AHRR: variants seen among roughly 807,000 people sequenced by gnomAD.
The protein encoded by AHRR is ahR repressor.
Under a neutral mutation model 44.0 loss-of-function variants are expected in AHRR, and 28 were observed. The observed-to-expected ratio is 0.64, with a 90% confidence interval of 0.47 to 0.87. AHRR has a LOEUF of 0.87. Among genes scored for constraint, AHRR ranks in the 40% least tolerant of loss-of-function variants. The pLI is 0.00. For synonymous variants in AHRR, 434 were observed against 407.0 expected, an observed-to-expected ratio of 1.07 and a Z score of -0.80; for missense variants, 990 against 953.9, an observed-to-expected ratio of 1.04 and a Z score of -0.50.
chr5:376,560 G>GAATGAATGAGA, intron 3 of AHRR, 50 bp from the exon 4 acceptor site: 2 of 194,296 alleles, frequency 1.0e-5, no homozygotes, highest in Non-Finnish European at 1.9e-5. Flanking sequence ...GAAGAAGAGT[G>GAATGAATGAGA]GCCAGGCCAA....
At position 413,322 on chromosome 5, in the gene AHRR, T is replaced by G. The variant is rs766660539; in HGVS notation, c.352-22T>G. 2.1e-5 allele frequency: 33 copies of G among 1,555,396 alleles called. No individual in the cohort carries two copies. In the Admixed American group the frequency reaches 2.3e-4, roughly 11 times the overall value. On this transcript the variant is annotated intron_variant, in intron 4 of 10. Coordinates refer to ENST00000684583, the MANE Select transcript of AHRR (RefSeq NM_001377236.1). ...TGGGTGAGCCAATTCGATTTTTTTT[T>G]TTGTTTTGTTTTTTCTTCTAGTCTC...
chr5:408,382 C>CTT (rs34389831), intron 4 of AHRR, among the ~76,000 whole-genome samples: 23,510 of 145,720 alleles, frequency 0.16, 2,549 homozygotes, highest in African/African-American at 0.31. Context: ...TTTCCTGAGC[C>CTT]TTTTTTTTTT....
intron 3 of AHRR, among the ~76,000 whole-genome samples, chr5:361,040 G>T (rs1405339356): frequency 6.6e-6 from 1 of 152,086 alleles, no homozygotes; most frequent in Non-Finnish European, 1.5e-5. Context: ...CACAAGGTCA[G>T]GAGTTCAAGA....
At position 376,799 on chromosome 5, in the gene AHRR, C is replaced by G. The variant is rs970768795; in HGVS notation, c.351+83C>G. 14 of 1,239,802 alleles carry G rather than the reference C, an allele frequency of 1.1e-5. No individual in the cohort carries two copies. In the African/African-American group the frequency reaches 1.8e-4, roughly 16 times the overall value. The allele number at this position is 1,239,802 out of a possible 1,614,324, so 76.8% of individuals were successfully genotyped here. A position where few individuals can be genotyped will look rare whatever the true frequency, so the allele number is the denominator to read the frequency against. ...GTTCAGGCTCAGTCATACTCCGTGT[C>G]ACGCATGTTCAGGCCCTCACCCAGG... On this transcript the variant is annotated intron_variant, in intron 4 of 10. Coordinates refer to ENST00000684583, the MANE Select transcript of AHRR (RefSeq NM_001377236.1).
chr5:344,674 GT>G, intron 2 of AHRR, among the ~76,000 whole-genome samples: 233 of 4,506 alleles, frequency 0.052, 108 homozygotes, highest in African/African-American at 0.35. Context: ...CTGTGTGTGT[GT>G]GGGTGTGTGT....
chr5:389,444 G>A (rs1339610891), intron 4 of AHRR, among the ~76,000 whole-genome samples: 3 of 152,202 alleles, frequency 2.0e-5, no homozygotes, highest in South Asian at 2.1e-4. Context: ...CACATTCAAC[G>A]CGAGGGAGCC....
chr5:428,569 T>C (rs1736576160), intron 8 of AHRR, among the ~76,000 whole-genome samples: 1 of 152,216 alleles, frequency 6.6e-6, no homozygotes, highest in Non-Finnish European at 1.5e-5. Context: ...TAGGGACCAG[T>C]TTGGTGGAAG....
At position 435,396 on chromosome 5, in the gene AHRR, A is replaced by T; in HGVS notation, c.*562A>T. 1.3e-5 allele frequency: 2 copies of T among 153,952 alleles called. No homozygotes were observed. The highest frequency in any genetic ancestry group is 2.9e-5 in the Non-Finnish European group (2 of 69,242). The allele number at this position is 153,952 out of a possible 1,614,324, so 9.5% of individuals were successfully genotyped here. On this transcript the variant is annotated 3_prime_UTR_variant, in exon 11 of 11. Transcript: ENST00000684583. Reference sequence around the variant, plus strand: ...CCAGCACACGGCAAATTAGAAATACAACACGCGGAGAAAGGGGTCCGTGAG... The same window carrying T: ...CCAGCACACGGCAAATTAGAAATACTACACGCGGAGAAAGGGGTCCGTGAG...
At chr5:400,750 A>G (rs1033760032) in intron 4 of AHRR, among the ~76,000 whole-genome samples, 1 of 152,230 alleles carries the variant, frequency 6.6e-6, no homozygotes, top group African/African-American at 2.4e-5. Context: ...TTAAAAAAAA[A>G]TTCTGCCTTG....
intron 4 of AHRR, among the ~76,000 whole-genome samples, chr5:412,019 C>T (rs1318192236): frequency 2.0e-5 from 3 of 152,180 alleles, no homozygotes; most frequent in African/African-American, 7.2e-5. Context: ...GGTGATGGCC[C>T]CGGGAAGCTG....
At chr5:432,590 CTTCCCCGCCCAGTGG>C in intron 9 of AHRR, 66 bp downstream of exon 9, 1 of 1,567,874 alleles carries the variant, frequency 6.4e-7, no homozygotes, top group African/African-American at 1.3e-5. Flanking sequence ...CCTTGGAGAG[CTTCCCCGCCCAGTGG>C]AGATGTTGGC....
In AHRR at chr5:398,133, G is replaced by A. The variant is rs375533494; in HGVS notation, c.352-15211G>A. ...CTGACCATCCACGTAGCTCCTGACC[G>A]TCCATGTTAGCCCCTGACCATCCAC... On this transcript the variant is annotated intron_variant, in intron 4 of 10. Coordinates refer to ENST00000684583, the MANE Select transcript of AHRR (RefSeq NM_001377236.1). Among the ~76,000 whole-genome samples, 80 of 40,908 alleles carry A rather than the reference G, an allele frequency of 2.0e-3. 1 individual carries two copies. The highest frequency in any genetic ancestry group is 0.016 in the African/African-American group (49 of 3,136). 26.8% of individuals were successfully genotyped at this position (40,908 alleles called of 152,430 possible). A position where few individuals can be genotyped will look rare whatever the true frequency, so the allele number is the denominator to read the frequency against.
chr5:415,730 G>GCCGAATCTCC (rs1560916547), intron 5 of AHRR, among the ~76,000 whole-genome samples: 7 of 152,186 alleles, frequency 4.6e-5, no homozygotes, highest in Non-Finnish European at 8.8e-5. Context: ...AGGCCTAGGG[G>GCCGAATCTCC]CTGTGCAGAG....
rs906825001 is a variant in AHRR, at chr5:411,092, T to G, written c.352-2252T>G. ...TCAAAATTTTCAAAAATTCAAATTT[T>G]GACTCTGTTAATGGCCTTTATTATT... On this transcript the variant is annotated intron_variant, in intron 4 of 10. Coordinates refer to ENST00000684583, the MANE Select transcript of AHRR (RefSeq NM_001377236.1). This position sits in a 1 kb window ranked among gnomAD's most constrained non-coding sequence, Gnocchi z 4.2. Among the ~76,000 whole-genome samples, 1 of 152,180 alleles carries G rather than the reference T, an allele frequency of 6.6e-6. No homozygotes were observed. Among genetic ancestry groups the G allele is most frequent in the African/African-American group, 2.4e-5 (1 of 41,448 alleles).
chr5:384,225 C>G (rs1433743775), intron 4 of AHRR, among the ~76,000 whole-genome samples: 1 of 151,952 alleles, frequency 6.6e-6, no homozygotes, highest in Non-Finnish European at 1.5e-5. Context: ...TACATTTTAG[C>G]TTATCTATTC....
At chr5:392,458 C>A in intron 4 of AHRR, among the ~76,000 whole-genome samples, 1 of 151,034 alleles carries the variant, frequency 6.6e-6, no homozygotes, top group Non-Finnish European at 1.5e-5. Flanking sequence ...CAGGGCGAGG[C>A]AGGGCCAGAG....
chr5:348,302 C>T (rs1742745923), intron 2 of AHRR, among the ~76,000 whole-genome samples: 1 of 151,650 alleles, frequency 6.6e-6, no homozygotes, highest in African/African-American at 2.4e-5. Context: ...CAGCTCATGA[C>T]ACTGTGGAAG....
At position 419,699 on chromosome 5, in the gene AHRR, C is replaced by G. The variant is rs1161117841; in HGVS notation, c.442-3030C>G. 6.6e-6 allele frequency among the ~76,000 whole-genome samples: 1 copy of G among 152,168 alleles called. No individual in the cohort carries two copies. Among genetic ancestry groups the G allele is most frequent in the Non-Finnish European group, 1.5e-5 (1 of 68,034 alleles). ...CCGGCTCTTACTGCACAGGGACCAA[C>G]AGGCCGGCCCATAAGAGCTGATGGG... On this transcript the variant is annotated intron_variant, in intron 5 of 10. Transcript: ENST00000684583. This position sits in a 1 kb window ranked among gnomAD's most constrained non-coding sequence, Gnocchi z 4.4.
intron 2 of AHRR, among the ~76,000 whole-genome samples, chr5:353,316 C>T (rs1742924081): frequency 6.6e-6 from 1 of 152,188 alleles, no homozygotes; most frequent in Non-Finnish European, 1.5e-5. Context: ...ACCGAGGAGT[C>T]CCCTAAGGAT....
Sources: allele counts gnomAD v4.1 joint callset (sites outside exome capture counted in the v4.1 genomes callset), GRCh38; gene constraint gnomAD v4.1.1; non-coding constraint Gnocchi (gnomAD v3.1); transcripts MANE v1.5; gene names NCBI Gene and HGNC (gene_info 2026-07-23, HGNC 2026-07-21).